FGF14: variants seen among roughly 807,000 people sequenced by gnomAD.
FGF14 encodes the protein fibroblast growth factor 14, also known as fibroblast growth factor homologous factor 4.
In FGF14, 5 loss-of-function variants were observed where a neutral mutation model predicts 25.5. The observed-to-expected ratio is 0.20, with a 90% CI of 0.10 to 0.41. The LOEUF is 0.41. Among genes scored for constraint, FGF14 ranks in the 10% least tolerant of loss-of-function variants. The pLI is 1.00. For synonymous variants in FGF14, 138 were observed against 118.3 expected, an observed-to-expected ratio of 1.17 and a Z score of -1.08; for missense variants, 222 against 320.1, an observed-to-expected ratio of 0.69 and a Z score of 2.34.
At chr13:102,116,659 CA>C (rs932585935) in intron 1 of FGF14, among the ~76,000 whole-genome samples, 2 of 152,178 alleles carry the variant, frequency 1.3e-5, no homozygotes, top group African/African-American at 4.8e-5. Context: ...GCGCCAGGAA[CA>C]GGGGCATGAG....
chr13:101,912,762 A>C lies in FGF14; in HGVS notation c.193+3691T>G, dbSNP rs573829291. On this transcript the variant is annotated intron_variant, in intron 1 of 4. Transcript: ENST00000376143. ...ATTTAGGGAAAGTAAAAAAGGTATA[A>C]AATTTGAAAAGTATTTTTATGTCTA... is the stretch of plus-strand genomic sequence containing the variant. 1.1e-4 allele frequency among the ~76,000 whole-genome samples: 17 copies of C among 152,298 alleles called. No homozygotes were observed. The South Asian group carries it at 3.5e-3, about 32-fold the overall frequency.
In FGF14 at chr13:101,996,570, G is replaced by A. The variant is rs369628447; in HGVS notation, c.209-121274C>T. Among the ~76,000 whole-genome samples, 7 of 152,256 alleles carry A rather than the reference G, an allele frequency of 4.6e-5. No individual in the cohort carries two copies. The South Asian group carries it at 8.3e-4, about 18-fold the overall frequency. ...AAAAGATGAGATAAAATATAACTTG[G>A]GTTTTGGCGTGGTTGAAATCTTGTC... On this transcript the variant is annotated intron_variant, in intron 1 of 4. Transcript: ENST00000376131.
intron 1 of FGF14, among the ~76,000 whole-genome samples, chr13:102,358,949 G>C (rs544747706): frequency 3.9e-5 from 6 of 152,246 alleles, no homozygotes; most frequent in African/African-American, 1.4e-4. Flanking sequence ...ACTGGATAAA[G>C]AAAATGTGGT....
chr13:102,258,547 G>A (rs1032730989), intron 1 of FGF14, among the ~76,000 whole-genome samples: 1 of 152,138 alleles, frequency 6.6e-6, no homozygotes, highest in African/African-American at 2.4e-5. Flanking sequence ...CTACATGAGT[G>A]TTTATTTATT....
intron 2 of FGF14, among the ~76,000 whole-genome samples, chr13:101,872,050 T>A (rs1404813429): frequency 6.6e-6 from 1 of 151,886 alleles, no homozygotes; most frequent in African/African-American, 2.4e-5. Context: ...AGCAGGATGG[T>A]TCTGTCTTTT....
At chr13:101,983,885 CT>C in intron 1 of FGF14, among the ~76,000 whole-genome samples, 1 of 152,260 alleles carries the variant, frequency 6.6e-6, no homozygotes, top group African/African-American at 2.4e-5. Flanking sequence ...TGGGCTCCCC[CT>C]AGGAGGAGAG....
intron 1 of FGF14, among the ~76,000 whole-genome samples, chr13:102,194,824 T>A (rs1367545286): frequency 6.6e-6 from 1 of 152,116 alleles, no homozygotes; most frequent in Non-Finnish European, 1.5e-5. Context: ...CGAATTGTTG[T>A]CAACAGTAAA....
chr13:101,714,803 C>T lies in FGF14; in HGVS notation c.*8028G>A, dbSNP rs1051008690. The T allele has an allele frequency of 4.1e-6, 2 of 493,366 alleles. No homozygotes were observed. The highest frequency in any genetic ancestry group is 3.4e-5 in the East Asian group (1 of 29,504). The allele number at this position is 493,366 out of a possible 1,614,324, so 30.6% of individuals were successfully genotyped here. On this transcript the variant is annotated 3_prime_UTR_variant, in exon 5 of 5. Transcript: ENST00000376143. ...GGGATCCTTCCACAAAGTAACCTCC[C>T]CACCCTCAAACTCACATGTATGCAG...
intron 1 of FGF14, among the ~76,000 whole-genome samples, chr13:102,122,601 C>T (rs1359702400): frequency 6.6e-6 from 1 of 152,126 alleles, no homozygotes; most frequent in Non-Finnish European, 1.5e-5. Context: ...GCATTTTACA[C>T]TTCTGAAAAT....
intron 3 of FGF14, among the ~76,000 whole-genome samples, chr13:101,859,783 A>G (rs1460559538): frequency 6.6e-6 from 1 of 152,042 alleles, no homozygotes; most frequent in Admixed American, 6.6e-5. Flanking sequence ...CATACTGAGC[A>G]CCTTGATGTA....
chr13:102,000,106 G>A (rs1445925700), intron 1 of FGF14, among the ~76,000 whole-genome samples: 1 of 152,118 alleles, frequency 6.6e-6, no homozygotes, highest in Non-Finnish European at 1.5e-5. Flanking sequence ...ACGAGGTCAG[G>A]AGATCGAGAC....
chr13:101,762,169 T>C (rs1425283521), intron 3 of FGF14, among the ~76,000 whole-genome samples: 1 of 152,218 alleles, frequency 6.6e-6, no homozygotes, highest in Non-Finnish European at 1.5e-5. Flanking sequence ...CTGTTAAACA[T>C]GCTTTGGAAA....
In FGF14 at chr13:102,295,077, A is replaced by G. The variant is rs2054628814; in HGVS notation, c.208+106394T>C. Among the ~76,000 whole-genome samples the G allele has an allele frequency of 3.3e-5, 5 of 152,300 alleles. 1 individual carries two copies. In the South Asian group the frequency reaches 1.0e-3, roughly 32 times the overall value. On this transcript the variant is annotated intron_variant, in intron 1 of 4. Transcript: ENST00000376131. ...TTAAGTAGTTGGTATGATTATTTTA[A>G]GTTGGCCACCCATAGGAGTTTAAAA...
At chr13:102,358,623 T>C (rs1035176860) in intron 1 of FGF14, among the ~76,000 whole-genome samples, 3 of 152,182 alleles carry the variant, frequency 2.0e-5, no homozygotes, top group African/African-American at 7.2e-5. Context: ...AAACACAATA[T>C]AGTGTGTGTT....
Position 101,916,537 on chromosome 13 carries a change from G to T in FGF14, c.109C>A (p.Arg37Ser), listed in dbSNP as rs2139126706. ...ACCAGGTTGCCGTTGCAGAGCCCGC[G>T]GTTCTTGCTGGGGCTGCTCCGCCTC... ...SRRRSSPSKN[R>S]GLCNGNLVDI... is the part of the protein sequence containing the mutation. Residue 37 changes from arginine to serine, a missense_variant, in exon 1 of 5, where the codon CGC becomes AGC. By Grantham distance (110) the Arg-to-Ser change is moderately radical. Transcript: ENST00000376143. 6.2e-7 allele frequency: 1 copy of T among 1,613,654 alleles called. No individual in the cohort carries two copies. Among genetic ancestry groups the T allele is most frequent in the East Asian group, 2.2e-5 (1 of 44,838 alleles).
At chr13:101,779,274 G>C (rs779279799) in intron 3 of FGF14, among the ~76,000 whole-genome samples, 13 of 152,130 alleles carry the variant, frequency 8.5e-5, no homozygotes, top group Non-Finnish European at 1.9e-4. Context: ...CATTTGAAAA[G>C]GCCAGAGGTT....
At chr13:101,914,462 T>C (rs2033271371) in intron 1 of FGF14, among the ~76,000 whole-genome samples, 3 of 152,050 alleles carry the variant, frequency 2.0e-5, no homozygotes, top group African/African-American at 7.2e-5. Context: ...CTGTCCAAAG[T>C]AAGGTAGAAA....
At chr13:102,081,708 T>C (rs2043631002) in intron 1 of FGF14, among the ~76,000 whole-genome samples, 1 of 152,244 alleles carries the variant, frequency 6.6e-6, no homozygotes. Flanking sequence ...TTTACATTAC[T>C]ATGACATGTG....
chr13:101,722,692 A>G lies in FGF14; in HGVS notation c.*139T>C, dbSNP rs767502113. The G allele has an allele frequency of 1.9e-5, 22 of 1,181,156 alleles. No individual in the cohort carries two copies. The highest frequency in any genetic ancestry group is 4.5e-5 in the African/African-American group (3 of 66,022). 73.2% of individuals were successfully genotyped at this position (1,181,156 alleles called of 1,614,324 possible). On this transcript the variant is annotated 3_prime_UTR_variant, in exon 5 of 5. Transcript: ENST00000376143. Reference sequence around the variant, plus strand: ...AGGTTGAGATTTATCCACTTGCAACAGAGAAGTTCGGAGACAGCAAAGAAT... The same window carrying G: ...AGGTTGAGATTTATCCACTTGCAACGGAGAAGTTCGGAGACAGCAAAGAAT...
Sources: gnomAD v4.1 joint callset for allele counts (sites outside exome capture counted in the v4.1 genomes callset) on GRCh38, gnomAD v4.1.1 for gene constraint, MANE v1.5 for transcripts, NCBI Gene and HGNC (gene_info 2026-07-23, HGNC 2026-07-21) for gene names.